HDAC9: variants seen among roughly 807,000 people sequenced by gnomAD.
HDAC9 encodes the protein histone deacetylase 9, also known as MEF-2 interacting transcription repressor (MITR) protein.
Under a neutral mutation model 139.4 loss-of-function variants are expected in HDAC9, and 41 were observed. The observed-to-expected ratio is 0.29, with a 90% CI of 0.23 to 0.38. HDAC9 has a LOEUF of 0.38. Ranked by LOEUF, HDAC9 falls within the 10% of genes least tolerant of loss-of-function variation. The pLI is 1.00. For synonymous variants in HDAC9, 517 were observed against 476.2 expected (o/e 1.09, Z -1.12); for missense variants, 1,147 against 1,297.0 (o/e 0.88, Z 1.78).
intron 3 of HDAC9, among the ~76,000 whole-genome samples, chr7:18,590,054 G>A (rs978376427): frequency 2.6e-5 from 4 of 152,148 alleles, no homozygotes; most frequent in Admixed American, 6.6e-5. Flanking sequence ...GGGAACTAAA[G>A]ATTTAATTAA....
At chr7:18,414,118 T>G (rs1361353183) in intron 1 of HDAC9, among the ~76,000 whole-genome samples, 1 of 152,176 alleles carries the variant, frequency 6.6e-6, no homozygotes, top group African/African-American at 2.4e-5. Flanking sequence ...ATTAAAGTAC[T>G]TAGACATTTA....
At chr7:18,572,810 T>A (rs920136306) in intron 2 of HDAC9, among the ~76,000 whole-genome samples, 2 of 152,134 alleles carry the variant, frequency 1.3e-5, no homozygotes, top group African/African-American at 2.4e-5. Flanking sequence ...AGGAGCTGAA[T>A]AAAGCTTTTA....
chr7:18,561,141 A>G (rs1820472327), intron 2 of HDAC9, among the ~76,000 whole-genome samples: 1 of 152,224 alleles, frequency 6.6e-6, no homozygotes. Flanking sequence ...CATTGCCTTG[A>G]TTAAAAGAAG....
intron 1 of HDAC9, among the ~76,000 whole-genome samples, chr7:18,467,559 A>T (rs572051312): frequency 3.9e-5 from 6 of 152,210 alleles, no homozygotes; most frequent in Non-Finnish European, 8.8e-5. Flanking sequence ...ATATTACCGT[A>T]ACTATAAATG....
Position 18,727,693 on chromosome 7 carries a change from C to T in HDAC9, c.1845C>T (p.Ser615=), listed in dbSNP as rs1003286634. ...GTCTCGTCTCCAGGACTCACTCTTC[C>T]CCTGCTGCCTCTGTTTTACCTCACC... ...KHRLVSRTHS[S]PAASVLPHPA... Residue 615 remains serine, a synonymous_variant, in exon 13 of 26, where the codon TCC becomes TCT. Transcript: ENST00000686413. 2.0e-5 allele frequency: 31 copies of T among 1,583,314 alleles called. No homozygotes were observed. Among genetic ancestry groups the T allele is most frequent in the Non-Finnish European group, 2.6e-5 (30 of 1,169,018 alleles).
chr7:18,929,150 T>G lies in HDAC9; in HGVS notation c.2804-6659T>G, dbSNP rs556497406. 7.2e-5 allele frequency among the ~76,000 whole-genome samples: 11 copies of G among 152,230 alleles called. No homozygotes were observed. In the East Asian group the frequency reaches 1.9e-3, roughly 27 times the overall value. ...TTAAATACGTATATAAGGCTTAATC[T>G]TTGAGCCTTCTTAGAGCAACTTTTC... On this transcript the variant is annotated intron_variant, in intron 22 of 25. Transcript: ENST00000686413.
chr7:18,777,336 A>G (rs879571436), intron 16 of HDAC9, among the ~76,000 whole-genome samples: 17 of 3,594 alleles, frequency 4.7e-3, no homozygotes, highest in African/African-American at 5.3e-3. Flanking sequence ...TGACCTTTGC[A>G]AGTGGGTTGG....
intron 23 of HDAC9, among the ~76,000 whole-genome samples, chr7:18,950,524 C>T (rs1215685818): frequency 2.0e-5 from 3 of 151,948 alleles, no homozygotes; most frequent in East Asian, 1.9e-4. Context: ...GTTATTTTTT[C>T]GATTAAGTAT....
At chr7:18,816,917 T>C (rs1229533978) in intron 17 of HDAC9, among the ~76,000 whole-genome samples, 2 of 152,220 alleles carry the variant, frequency 1.3e-5, no homozygotes, top group South Asian at 2.1e-4. Context: ...ATCAGAGGTA[T>C]TCCACAAGGA....
chr7:18,261,667 G>A (rs1795688368), intron 2 of HDAC9, among the ~76,000 whole-genome samples: 1 of 152,204 alleles, frequency 6.6e-6, no homozygotes. Flanking sequence ...GCATGGATTA[G>A]GATAGTTAGG....
At chr7:18,770,991 A>G (rs1790241799) in intron 16 of HDAC9, among the ~76,000 whole-genome samples, 1 of 152,128 alleles carries the variant, frequency 6.6e-6, no homozygotes, top group Non-Finnish European at 1.5e-5. Context: ...CCTACAGCAG[A>G]CAAGCTCCCA....
chr7:18,888,648 A>C (rs1391416960), intron 22 of HDAC9, among the ~76,000 whole-genome samples: 1 of 152,154 alleles, frequency 6.6e-6, no homozygotes, highest in Non-Finnish European at 1.5e-5. Context: ...AATTGTGTGG[A>C]TCTAGCCAGA....
At chr7:18,602,497 C>A (rs545055788) in intron 6 of HDAC9, among the ~76,000 whole-genome samples, 41 of 151,208 alleles carry the variant, frequency 2.7e-4, no homozygotes, top group African/African-American at 9.4e-4. Flanking sequence ...CTACTTTAAG[C>A]TTAGATTGTT....
chr7:18,786,709 C>T (rs769146346), intron 16 of HDAC9, among the ~76,000 whole-genome samples: 2 of 130,986 alleles, frequency 1.5e-5, no homozygotes, highest in Non-Finnish European at 3.1e-5. Context: ...TCTGTGTCCT[C>T]GGTTTCTGTT....
At chr7:18,569,996 A>AT (rs1272426612) in intron 2 of HDAC9, among the ~76,000 whole-genome samples, 1 of 152,174 alleles carries the variant, frequency 6.6e-6, no homozygotes, top group African/African-American at 2.4e-5. Context: ...TTTATGAATA[A>AT]TACACCCAAA....
At chr7:18,119,081 CCTGTTTCA>C (rs751886524) in intron 1 of HDAC9, among the ~76,000 whole-genome samples, 58 of 152,246 alleles carry the variant, frequency 3.8e-4, no homozygotes, top group Admixed American at 6.5e-4. Context: ...TTGGATGTTT[CCTGTTTCA>C]CTTTTTGGTT....
At chr7:18,792,644 C>G (rs1792426161) in intron 16 of HDAC9, among the ~76,000 whole-genome samples, 2 of 152,124 alleles carry the variant, frequency 1.3e-5, no homozygotes, top group African/African-American at 4.8e-5. Flanking sequence ...ATTTTACTGG[C>G]TTATCCAATT....
Position 18,979,942 on chromosome 7 carries a change from G to A in HDAC9, c.3170+3989G>A, listed in dbSNP as rs376087194. On this transcript the variant is annotated intron_variant, in intron 25 of 25. Transcript: ENST00000686413. The stretch of plus-strand genomic sequence containing the variant: ...CACACTGGGGATTATATTTCAAAAT[G>A]AGATTTGGGCAGGAACATTTATCCA... Among the ~76,000 whole-genome samples, 75 of 152,278 alleles carry A rather than the reference G, an allele frequency of 4.9e-4. 2 individuals are homozygous for A. The South Asian group carries it at 0.015, about 31-fold the overall frequency.
intron 22 of HDAC9, among the ~76,000 whole-genome samples, chr7:18,923,391 C>A (rs1409822508): frequency 1.3e-5 from 2 of 151,988 alleles, no homozygotes; most frequent in Non-Finnish European, 2.9e-5. Flanking sequence ...CATTATAGAC[C>A]CTTGTTGAAA....
Sources: allele counts gnomAD v4.1 joint callset (sites outside exome capture counted in the v4.1 genomes callset), GRCh38; gene constraint gnomAD v4.1.1; transcripts MANE v1.5; gene names NCBI Gene and HGNC (gene_info 2026-07-23, HGNC 2026-07-21).